The following SEC14L5 variants were observed in gnomAD, a reference collection of about 807,000 sequenced individuals.
SEC14L5 encodes SEC14 like lipid binding 5.
Under a neutral mutation model 84.6 loss-of-function variants are expected in SEC14L5, and 96 were observed. The observed-to-expected ratio is 1.13, with a 90% CI of 0.96 to 1.34. The LOEUF is 1.34. SEC14L5 is among the 40% of genes most tolerant of loss of function. The probability of loss-of-function intolerance (pLI) is 0.00; values close to 1 mark genes in which losing one functional copy is unlikely to be tolerated. For missense variants in SEC14L5, 1,224 were observed against 942.5 expected, an observed-to-expected ratio of 1.30 and a Z score of -3.91; for synonymous variants, 546 against 383.4, an observed-to-expected ratio of 1.42 and a Z score of -4.95.
At chr16:4,991,630 A>T (rs1955554224) in intron 5 of SEC14L5, among the ~76,000 whole-genome samples, 1 of 152,132 alleles carries the variant, frequency 6.6e-6, no homozygotes, top group Non-Finnish European at 1.5e-5. Context: ...GCTATTTTGC[A>T]TTCTTTGTTT....
At chr16:5,013,930 C>G (rs912488301) in intron 15 of SEC14L5, among the ~76,000 whole-genome samples, 2 of 152,112 alleles carry the variant, frequency 1.3e-5, no homozygotes, top group Admixed American at 1.3e-4. Flanking sequence ...TGGCCTCAAG[C>G]GATCCCCCTG....
rs763855016 is a variant in SEC14L5, at chr16:5,011,162, G to A, written c.1868G>A (p.Ser623Asn). The A allele has an allele frequency of 1.4e-5, 22 of 1,613,164 alleles. No individual in the cohort carries two copies. In the South Asian group the frequency reaches 1.6e-4, roughly 12 times the overall value. ...LQWQMHSPPS[S>N]VACSLPGVDD... ...TGGCAAATGCACAGCCCCCCCAGCAGCGTGGCCTGCAGCCTCCCGGGTGTG... is the reference window on the plus strand; with the variant it reads ...TGGCAAATGCACAGCCCCCCCAGCAACGTGGCCTGCAGCCTCCCGGGTGTG... Residue 623 changes from serine to asparagine, a missense_variant, in exon 15 of 16, where the codon AGC (serine) becomes AAC (asparagine). Ser to Asn is a conservative substitution (Grantham distance 46). Coordinates refer to ENST00000251170, the MANE Select transcript of SEC14L5 (RefSeq NM_014692.2).
At chr16:4,983,163 C>T (rs545150448) in intron 2 of SEC14L5, among the ~76,000 whole-genome samples, 1 of 151,938 alleles carries the variant, frequency 6.6e-6, no homozygotes, top group African/African-American at 2.4e-5. Flanking sequence ...CCACCATGCC[C>T]AGCTAATTTT....
chr16:4,999,452 C>T (rs925006977), intron 8 of SEC14L5, among the ~76,000 whole-genome samples: 1 of 151,644 alleles, frequency 6.6e-6, no homozygotes, highest in East Asian at 1.9e-4. Flanking sequence ...ACCACATCTC[C>T]ACAAAAAATA....
intron 2 of SEC14L5, among the ~76,000 whole-genome samples, chr16:4,962,773 T>C (rs1026864683): frequency 6.6e-6 from 1 of 151,256 alleles, no homozygotes; most frequent in Non-Finnish European, 1.5e-5. Context: ...GCCACAACCC[T>C]GTCATTCTAT....
At chr16:4,975,124 A>G (rs925461855) in intron 2 of SEC14L5, among the ~76,000 whole-genome samples, 3 of 152,018 alleles carry the variant, frequency 2.0e-5, no homozygotes, top group Non-Finnish European at 4.4e-5. Context: ...AACATATGAT[A>G]TTTGGTTTTC....
chr16:4,978,186 G>A (rs1413084123), intron 2 of SEC14L5, among the ~76,000 whole-genome samples: 1 of 33,928 alleles, frequency 2.9e-5, no homozygotes, highest in East Asian at 1.0e-3. Context: ...AGGGCGAGAC[G>A]GGCGGATCAC....
At chr16:4,961,410 C>A (rs961376619) in intron 2 of SEC14L5, among the ~76,000 whole-genome samples, 3 of 152,178 alleles carry the variant, frequency 2.0e-5, no homozygotes, top group African/African-American at 7.2e-5. Context: ...CTCACTGCAA[C>A]CTCTGCCTCC....
At chr16:4,984,581 T>A (rs1410793794) in intron 2 of SEC14L5, among the ~76,000 whole-genome samples, 1 of 152,264 alleles carries the variant, frequency 6.6e-6, no homozygotes, top group African/African-American at 2.4e-5. Context: ...ATATGGTAAC[T>A]CTTTGTTTAA....
chr16:4,981,893 G>A (rs1360238571), intron 2 of SEC14L5, among the ~76,000 whole-genome samples: 1 of 152,196 alleles, frequency 6.6e-6, no homozygotes, highest in Non-Finnish European at 1.5e-5. Context: ...GCTTTACTCT[G>A]CTCTCTGTCC....
chr16:4,983,999 A>G (rs1414829052), intron 2 of SEC14L5, among the ~76,000 whole-genome samples: 1 of 152,166 alleles, frequency 6.6e-6, no homozygotes, highest in African/African-American at 2.4e-5. Context: ...ACACTTTTTT[A>G]AAGAAACAGT....
intron 10 of SEC14L5, among the ~76,000 whole-genome samples, chr16:5,002,724 C>G (rs1955690669): frequency 6.6e-6 from 1 of 152,156 alleles, no homozygotes; most frequent in African/African-American, 2.4e-5. Flanking sequence ...AGTTATTTTC[C>G]TAATGAATGA....
At chr16:5,001,531 T>G (rs904204698) in intron 10 of SEC14L5, among the ~76,000 whole-genome samples, 11 of 152,148 alleles carry the variant, frequency 7.2e-5, no homozygotes, top group Admixed American at 6.5e-4. Flanking sequence ...AGTGCTGGGA[T>G]TACAGGCGTG....
chr16:4,968,216 G>C (rs1955231057), intron 2 of SEC14L5, among the ~76,000 whole-genome samples: 1 of 150,394 alleles, frequency 6.6e-6, no homozygotes, highest in Non-Finnish European at 1.5e-5. Context: ...TTTCGCTCTT[G>C]TTGCCCAGGC....
intron 2 of SEC14L5, among the ~76,000 whole-genome samples, chr16:4,985,867 A>G (rs1316773024): frequency 6.6e-6 from 1 of 151,610 alleles, no homozygotes; most frequent in East Asian, 1.9e-4. Context: ...GTCTATATAA[A>G]TTGTATTATT....
intron 15 of SEC14L5, 113 bp from the exon 16 acceptor site, chr16:5,014,746 C>G (rs1020197788): frequency 1.3e-6 from 1 of 742,840 alleles, no homozygotes; most frequent in East Asian, 2.6e-5. Flanking sequence ...TTTGCATCGG[C>G]CTGGGGCCCT....
chr16:5,008,679 A>C, intron 14 of SEC14L5, 31 bp downstream of exon 14: 10 of 1,567,660 alleles, frequency 6.4e-6, no homozygotes, highest in South Asian at 1.1e-5. Context: ...TCATTCGCTC[A>C]CCAAGCAGCA....
intron 12 of SEC14L5, among the ~76,000 whole-genome samples, chr16:5,006,958 CGCCT>C (rs908159274): frequency 2.0e-5 from 3 of 152,038 alleles, no homozygotes; most frequent in African/African-American, 7.2e-5. Flanking sequence ...GTTCCACCCC[CGCCT>C]GTGACGGGGA....
At chr16:5,000,136 C>G (rs562336126) in intron 8 of SEC14L5, among the ~76,000 whole-genome samples, 2 of 151,604 alleles carry the variant, frequency 1.3e-5, no homozygotes, top group African/African-American at 4.8e-5. Flanking sequence ...ACTAAAAATA[C>G]GAAAATTAGC....
Sources: allele counts gnomAD v4.1 joint callset (sites outside exome capture counted in the v4.1 genomes callset), GRCh38; gene constraint gnomAD v4.1.1; transcripts MANE v1.5; gene names NCBI Gene and HGNC (gene_info 2026-07-23, HGNC 2026-07-21).